The following MCCC1 variants were observed in gnomAD, a reference collection of about 807,000 sequenced individuals.
MCCC1 encodes methylcrotonoyl-CoA carboxylase subunit alpha, mitochondrial.
Under a neutral mutation model 83.8 loss-of-function variants are expected in MCCC1, and 64 were observed. The ratio of observed to expected loss-of-function variants is 0.76; its 90% CI spans 0.62 to 0.94. The LOEUF (loss-of-function observed/expected upper bound fraction) is 0.94, where lower values mean the gene tolerates loss of function less well. Ranked by LOEUF, MCCC1 falls within the 40% of genes least tolerant of loss-of-function variation. MCCC1 has a pLI of 0.00. For synonymous variants in MCCC1, 322 were observed against 315.4 expected (o/e 1.02, Z -0.22); for missense variants, 807 against 904.7 (o/e 0.89, Z 1.39).
At chr3:183,016,515 G>C (rs958862660) in intron 18 of MCCC1, among the ~76,000 whole-genome samples, 1 of 152,240 alleles carries the variant, frequency 6.6e-6, no homozygotes, top group African/African-American at 2.4e-5. Flanking sequence ...ACAGGCATGA[G>C]CCACTGCGCC....
At chr3:183,089,284 T>C (rs1014956498) in intron 3 of MCCC1, among the ~76,000 whole-genome samples, 2 of 152,116 alleles carry the variant, frequency 1.3e-5, no homozygotes, top group South Asian at 2.1e-4. Context: ...AAATAGATTG[T>C]TGGCTGGGGG....
At chr3:183,080,963 C>T (rs1366124704) in intron 4 of MCCC1, among the ~76,000 whole-genome samples, 1 of 152,184 alleles carries the variant, frequency 6.6e-6, no homozygotes, top group Non-Finnish European at 1.5e-5. Flanking sequence ...CACCTCCTAC[C>T]GGGTTCCTCC....
chr3:183,076,282 C>T (rs941820025), intron 4 of MCCC1, among the ~76,000 whole-genome samples: 1 of 152,160 alleles, frequency 6.6e-6, no homozygotes, highest in Non-Finnish European at 1.5e-5. Flanking sequence ...CAGAATCATA[C>T]AGTACATAGT....
intron 7 of MCCC1, among the ~76,000 whole-genome samples, chr3:183,070,244 C>G (rs1251097686): frequency 6.6e-6 from 1 of 151,942 alleles, no homozygotes; most frequent in African/African-American, 2.4e-5. Flanking sequence ...TGACAGAGTT[C>G]TATAAATATA....
chr3:183,110,588 G>T (rs1175229416), intron 1 of MCCC1, among the ~76,000 whole-genome samples: 1 of 151,956 alleles, frequency 6.6e-6, no homozygotes, highest in African/African-American at 2.4e-5. Context: ...TGGAGACGGG[G>T]TTTCACTGTG....
At chr3:183,110,498 A>C (rs1219506962) in intron 1 of MCCC1, among the ~76,000 whole-genome samples, 1 of 149,520 alleles carries the variant, frequency 6.7e-6, no homozygotes. Flanking sequence ...GGTTCACGCC[A>C]TTCTCCTGCC....
intron 12 of MCCC1, among the ~76,000 whole-genome samples, chr3:183,038,523 G>A (rs1713809748): frequency 6.6e-6 from 1 of 152,106 alleles, no homozygotes; most frequent in African/African-American, 2.4e-5. Context: ...AATGTGGTAT[G>A]GGACTTTCTG....
At chr3:183,102,585 G>A (rs1269995242), upstream of MCCC1, among the ~76,000 whole-genome samples, 3 of 151,812 alleles carry the variant, frequency 2.0e-5, no homozygotes, top group Non-Finnish European at 4.4e-5. Flanking sequence ...TTAAAACTCA[G>A]TAATTCAAGA....
chr3:183,099,633 A>G, upstream of MCCC1: 3 of 680,356 alleles, frequency 4.4e-6, no homozygotes, highest in Non-Finnish European at 5.0e-6. Flanking sequence ...GCCCGGCTTC[A>G]GTAGCGACGA....
At chr3:183,086,334 A>C (rs1434034615) in intron 4 of MCCC1, among the ~76,000 whole-genome samples, 1 of 152,146 alleles carries the variant, frequency 6.6e-6, no homozygotes, top group Non-Finnish European at 1.5e-5. Flanking sequence ...TGGGGTGGAA[A>C]TATATTTCTT....
chr3:183,082,696 T>C (rs371738613), intron 4 of MCCC1, among the ~76,000 whole-genome samples: 131 of 152,268 alleles, frequency 8.6e-4, no homozygotes, highest in Middle Eastern at 6.8e-3. Context: ...AGAACGAGTG[T>C]GGCCAGGGCG....
At chr3:183,100,957 G>A (rs1719218393), upstream of MCCC1, among the ~76,000 whole-genome samples, 1 of 152,274 alleles carries the variant, frequency 6.6e-6, no homozygotes, top group Non-Finnish European at 1.5e-5. Context: ...TGGAGTTCCG[G>A]GTGGGCGTGG....
rs1577327795 is a variant in MCCC1, at chr3:183,070,830, G to A, written c.761+169C>T. 2.0e-5 allele frequency among the ~76,000 whole-genome samples: 3 copies of A among 152,292 alleles called. No individual in the cohort carries two copies. The East Asian group carries it at 5.8e-4, about 29-fold the overall frequency. On this transcript the variant is annotated intron_variant, in intron 7 of 18. Coordinates refer to ENST00000265594, the MANE Select transcript of MCCC1 (RefSeq NM_020166.5). ...TTTCTATTCACATAGAAAATGGCTG[G>A]AAGAATGCATACCATCCTACAATCA...
intron 4 of MCCC1, among the ~76,000 whole-genome samples, chr3:183,074,801 TAC>T (rs1246438098): frequency 2.0e-5 from 3 of 152,228 alleles, no homozygotes; most frequent in Non-Finnish European, 2.9e-5. Context: ...GGGTTTGTTG[TAC>T]AGAGTTCGTC....
intron 1 of MCCC1, among the ~76,000 whole-genome samples, chr3:183,096,249 T>A (rs1326646370): frequency 6.6e-6 from 1 of 151,910 alleles, no homozygotes; most frequent in Non-Finnish European, 1.5e-5. Context: ...GGCAGGAGTA[T>A]CACTTGAACT....
intron 7 of MCCC1, 78 bp from the exon 8 acceptor site, chr3:183,057,500 G>C (rs1715513986): frequency 9.0e-7 from 1 of 1,110,380 alleles, no homozygotes; most frequent in Admixed American, 2.0e-5. Flanking sequence ...AAACTGTTAG[G>C]CACAATCACC....
At chr3:183,021,324 A>G (rs1176919103) in intron 16 of MCCC1, among the ~76,000 whole-genome samples, 1 of 152,140 alleles carries the variant, frequency 6.6e-6, no homozygotes, top group Non-Finnish European at 1.5e-5. Context: ...TCCTGAGCCT[A>G]TTAATCCTCC....
At chr3:183,090,362 C>T (rs1718227954) in intron 3 of MCCC1, among the ~76,000 whole-genome samples, 1 of 151,982 alleles carries the variant, frequency 6.6e-6, no homozygotes, top group Non-Finnish European at 1.5e-5. Context: ...AATAGAAGAT[C>T]CTTTTCTTTT....
intron 15 of MCCC1, 174 bp from the exon 16 acceptor site, chr3:183,022,728 T>C: frequency 3.4e-6 from 2 of 589,002 alleles, no homozygotes; most frequent in African/African-American, 1.9e-5. Context: ...CTAACCAAGA[T>C]ACTTTACATA....
Sources: gnomAD v4.1 joint callset for allele counts (sites outside exome capture counted in the v4.1 genomes callset) on GRCh38, gnomAD v4.1.1 for gene constraint, MANE v1.5 for transcripts, NCBI Gene and HGNC (gene_info 2026-07-23, HGNC 2026-07-21) for gene names.